Variants in FAM81B observed in about 807,000 individuals in gnomAD.
FAM81B encodes family with sequence similarity 81 member B, also known as protein FAM81B.
In FAM81B, 60 loss-of-function variants were observed where a neutral mutation model predicts 58.7. That is an observed-to-expected ratio of 1.02 (90% confidence interval 0.83 to 1.27). FAM81B has a LOEUF of 1.27. FAM81B is among the 50% of genes most tolerant of loss of function. The probability of loss-of-function intolerance (pLI) is 0.00; values close to 1 mark genes in which losing one functional copy is unlikely to be tolerated. For missense variants in FAM81B, 491 were observed against 522.0 expected, an observed-to-expected ratio of 0.94 and a Z score of 0.58; for synonymous variants, 189 against 179.6, an observed-to-expected ratio of 1.05 and a Z score of -0.42.
intron 5 of FAM81B, among the ~76,000 whole-genome samples, chr5:95,425,577 G>C (rs1334986515): frequency 6.6e-6 from 1 of 152,046 alleles, no homozygotes; most frequent in African/African-American, 2.4e-5. Context: ...TTTAAAATCT[G>C]GATGACAAAA....
chr5:95,423,819 T>G (rs563075200), intron 5 of FAM81B, among the ~76,000 whole-genome samples: 1 of 152,284 alleles, frequency 6.6e-6, no homozygotes, highest in East Asian at 1.9e-4. Context: ...TATTGTGACA[T>G]TTGGACTGAT....
chr5:95,424,798 T>C (rs1762780335), intron 5 of FAM81B, among the ~76,000 whole-genome samples: 1 of 152,222 alleles, frequency 6.6e-6, no homozygotes. Context: ...TTATTAACTT[T>C]CAAATTACAG....
chr5:95,420,003 G>T (rs1166413639), intron 4 of FAM81B, among the ~76,000 whole-genome samples: 1 of 152,150 alleles, frequency 6.6e-6, no homozygotes, highest in Non-Finnish European at 1.5e-5. Context: ...TGCCAATATT[G>T]TTAATTTGAG....
At chr5:95,421,625 G>C (rs148740715) in intron 5 of FAM81B, among the ~76,000 whole-genome samples, 4 of 151,792 alleles carry the variant, frequency 2.6e-5, no homozygotes, top group Admixed American at 1.3e-4. Context: ...TTTAAGTAAG[G>C]GGGTGGCATA....
intron 6 of FAM81B, 49 bp downstream of exon 6, chr5:95,428,781 A>G (rs1276414510): frequency 6.2e-7 from 1 of 1,611,258 alleles, no homozygotes; most frequent in Admixed American, 1.7e-5. Context: ...GCCAGAAGTA[A>G]GATCATTATA....
chr5:95,411,518 G>A (rs1035897993), intron 3 of FAM81B, among the ~76,000 whole-genome samples: 1 of 152,100 alleles, frequency 6.6e-6, no homozygotes, highest in African/African-American at 2.4e-5. Flanking sequence ...TGTTATAAGT[G>A]GATGAACCAT....
intron 4 of FAM81B, among the ~76,000 whole-genome samples, chr5:95,418,989 A>G (rs13172232): frequency 0.2 from 30,725 of 152,086 alleles, 3,725 homozygotes; most frequent in Non-Finnish European, 0.28. Context: ...GGTCTTCATG[A>G]CATTACAGGT....
At chr5:95,399,530 A>G (rs1762052501) in intron 3 of FAM81B, among the ~76,000 whole-genome samples, 1 of 150,722 alleles carries the variant, frequency 6.6e-6, no homozygotes, top group African/African-American at 2.5e-5. Flanking sequence ...GAGTGGGCAC[A>G]GTCACAGGGA....
intron 7 of FAM81B, 22 bp downstream of exon 7, chr5:95,436,928 A>T: frequency 6.3e-7 from 1 of 1,574,804 alleles, no homozygotes; most frequent in Non-Finnish European, 8.7e-7. Context: ...GAAGATTTTT[A>T]ATTCTGTTAA....
At chr5:95,448,693 ATTTTTTT>A (rs56864403) in intron 9 of FAM81B, 4 of 391,900 alleles carry the variant, frequency 1.0e-5, no homozygotes, top group African/African-American at 2.3e-5. Context: ...ATTGGTGTGA[ATTTTTTT>A]TTTTTTTTTT....
rs3860788 is a variant in FAM81B at position 95,441,442 on chromosome 5, G to A, written c.893+4536G>A. Among the ~76,000 whole-genome samples, 551 of 151,980 alleles carry A rather than the reference G, an allele frequency of 3.6e-3. 9 individuals carry two copies. Among genetic ancestry groups the A allele is most frequent in the Admixed American group, 0.029 (436 of 15,272 alleles). ...AAATTAGCCGGCCGTGGTGGCGGGC[G>A]CCTGTAGTCCCAGCTACTCGGGAGG... On this transcript the variant is annotated intron_variant, in intron 7 of 9. Coordinates refer to ENST00000283357, the MANE Select transcript of FAM81B (RefSeq NM_152548.3).
At chr5:95,446,951 T>TTA (rs1181112002) in intron 8 of FAM81B, among the ~76,000 whole-genome samples, 1 of 144,936 alleles carries the variant, frequency 6.9e-6, no homozygotes, top group South Asian at 2.2e-4. Context: ...TTTTTTTTTT[T>TTA]AAAAAAAAAA....
chr5:95,417,286 G>A (rs1762562786), intron 4 of FAM81B, among the ~76,000 whole-genome samples: 1 of 152,032 alleles, frequency 6.6e-6, no homozygotes, highest in African/African-American at 2.4e-5. Flanking sequence ...TTTAATTTTT[G>A]CTAACTTCAT....
intron 6 of FAM81B, among the ~76,000 whole-genome samples, chr5:95,429,781 T>TTCTATCAGGTCATAGAA (rs1744797965): frequency 6.6e-6 from 1 of 152,240 alleles, no homozygotes; most frequent in Non-Finnish European, 1.5e-5. Context: ...GCAACTTATC[T>TTCTATCAGGTCATAGAA]GGTTCCTGAT....
chr5:95,424,917 T>C (rs1762783399), intron 5 of FAM81B, among the ~76,000 whole-genome samples: 1 of 152,100 alleles, frequency 6.6e-6, no homozygotes, highest in South Asian at 2.1e-4. Flanking sequence ...AGACTGGAAT[T>C]GCTCGGGATA....
chr5:95,422,202 C>T (rs958392856), intron 5 of FAM81B, among the ~76,000 whole-genome samples: 5 of 151,676 alleles, frequency 3.3e-5, no homozygotes, highest in African/African-American at 1.2e-4. Flanking sequence ...ATAAAAGATG[C>T]CGTCTTGGAA....
At chr5:95,441,402 G>C (rs1312322474) in intron 7 of FAM81B, among the ~76,000 whole-genome samples, 1 of 151,818 alleles carries the variant, frequency 6.6e-6, no homozygotes, top group African/African-American at 2.4e-5. Context: ...AACCCCGCCT[G>C]TACTAAAAAT....
In FAM81B at chr5:95,392,827, C is replaced by A; in HGVS notation, c.158C>A (p.Ala53Glu). Residue 53 changes from alanine to glutamate, a missense_variant, in exon 2 of 10, where the codon GCG becomes GAG. Ala to Glu is a moderately radical substitution (Grantham distance 107). Coordinates refer to ENST00000283357, the MANE Select transcript of FAM81B (RefSeq NM_152548.3). ...TNVNKSASPT[A>E]TAEEQPVEPD... Reference sequence around the variant, plus strand: ...GTAAACAAAAGTGCCTCTCCAACTGCGACTGCAGAGGAACAGCCAGTTGAA... The same window carrying A: ...GTAAACAAAAGTGCCTCTCCAACTGAGACTGCAGAGGAACAGCCAGTTGAA... The A allele has an allele frequency of 1.2e-6, 2 of 1,611,890 alleles. No individual in the cohort carries two copies. Among genetic ancestry groups the A allele is most frequent in the Non-Finnish European group, 8.5e-7 (1 of 1,179,016 alleles).
intron 1 of FAM81B, among the ~76,000 whole-genome samples, chr5:95,391,725 A>G (rs1223106850): frequency 3.3e-5 from 5 of 152,240 alleles, no homozygotes; most frequent in Admixed American, 3.3e-4. Flanking sequence ...AAAAGAAGAC[A>G]TTTATGCAGC....
Sources: allele counts gnomAD v4.1 joint callset (sites outside exome capture counted in the v4.1 genomes callset), GRCh38; gene constraint gnomAD v4.1.1; transcripts MANE v1.5; gene names NCBI Gene and HGNC (gene_info 2026-07-23, HGNC 2026-07-21).